The following KANSL1 variants were observed in gnomAD, a reference collection of about 807,000 sequenced individuals.
The protein encoded by KANSL1 is MLL1/MLL complex subunit KANSL1.
Under a neutral mutation model 103.6 loss-of-function variants are expected in KANSL1, and 22 were observed. The observed-to-expected ratio is 0.21, with a 90% CI of 0.15 to 0.30. KANSL1 has a LOEUF of 0.30. Ranked by LOEUF, KANSL1 falls within the 10% of genes least tolerant of loss-of-function variation. KANSL1 has a pLI of 1.00. For missense variants in KANSL1, 1,337 were observed against 1,399.8 expected (o/e 0.96, Z 0.72); for synonymous variants, 600 against 527.6 (o/e 1.14, Z -1.88).
At chr17:46,153,544 G>A (rs991310906) in intron 2 of KANSL1, among the ~76,000 whole-genome samples, 6 of 152,302 alleles carry the variant, frequency 3.9e-5, no homozygotes, top group African/African-American at 1.2e-4. Context: ...AAAATGTTTC[G>A]TGTACATGAC....
chr17:46,059,685 C>T lies in KANSL1; in HGVS notation c.1848+6852G>A, dbSNP rs1019708815. On this transcript the variant is annotated intron_variant, in intron 6 of 14. Coordinates refer to ENST00000432791, the MANE Select transcript of KANSL1 (RefSeq NM_015443.4). Reference sequence around the variant, plus strand: ...AGAGAGAAAAGGAAACTGATCAACACATGTTCTCAGCTGGAACTAAGAGAG... The same window carrying T: ...AGAGAGAAAAGGAAACTGATCAACATATGTTCTCAGCTGGAACTAAGAGAG... 3.5e-5 allele frequency among the ~76,000 whole-genome samples: 5 copies of T among 141,124 alleles called. No homozygotes were observed. In the Admixed American group the frequency reaches 3.5e-4, roughly 10 times the overall value. 92.6% of individuals were successfully genotyped at this position (141,124 alleles called of 152,430 possible). A position where few individuals can be genotyped will look rare whatever the true frequency, so the allele number is the denominator to read the frequency against.
At chr17:46,056,648 T>C (rs918490769) in intron 6 of KANSL1, among the ~76,000 whole-genome samples, 1 of 152,228 alleles carries the variant, frequency 6.6e-6, no homozygotes, top group Non-Finnish European at 1.5e-5. Context: ...ATTTCAAAAT[T>C]CTAGCTTCTT....
At chr17:46,176,585 G>A (rs2532258) in intron 1 of KANSL1, among the ~76,000 whole-genome samples, 18,082 of 149,520 alleles carry the variant, frequency 0.12, 24 homozygotes, top group Middle Eastern at 0.19. Flanking sequence ...CAGCTACCTG[G>A]GAGGCTGAGA....
At chr17:46,055,342 G>A (rs533933562) in intron 6 of KANSL1, among the ~76,000 whole-genome samples, 49 of 151,858 alleles carry the variant, frequency 3.2e-4, no homozygotes, top group African/African-American at 1.1e-3. Flanking sequence ...GCGGGCGCCT[G>A]TAATCCCAGC....
intron 2 of KANSL1, among the ~76,000 whole-genome samples, chr17:46,119,607 C>G (rs1259027462): frequency 1.3e-5 from 2 of 152,062 alleles, no homozygotes; most frequent in Admixed American, 6.6e-5. Context: ...ACACCCGGCC[C>G]AGAGTCCTGA....
chr17:46,126,463 T>C (rs1302621514), intron 2 of KANSL1, among the ~76,000 whole-genome samples: 1 of 151,656 alleles, frequency 6.6e-6, no homozygotes, highest in Non-Finnish European at 1.5e-5. Context: ...AAAGTCTCCA[T>C]CTTTCCACTA....
intron 4 of KANSL1, among the ~76,000 whole-genome samples, chr17:46,076,904 T>G (rs1167655734): frequency 2.0e-5 from 3 of 152,192 alleles, no homozygotes; most frequent in Non-Finnish European, 4.4e-5. Flanking sequence ...AGACCTTGGC[T>G]AAATCTCTAA....
At chr17:46,035,297 T>C (rs1010537993) in intron 10 of KANSL1, 2 of 152,266 alleles carry the variant, frequency 1.3e-5, no homozygotes, top group African/African-American at 4.8e-5. Context: ...GTGTGGTCAG[T>C]CCACAGGGAA....
intron 2 of KANSL1, among the ~76,000 whole-genome samples, chr17:46,101,754 C>CAAAAAAAAAAAAAAA (rs372439614): frequency 3.2e-5 from 3 of 93,654 alleles, no homozygotes; most frequent in African/African-American, 4.8e-5. Context: ...ACTCTGTCTA[C>CAAAAAAAAAAAAAAA]AAAAAAAAAA....
intron 6 of KANSL1, among the ~76,000 whole-genome samples, chr17:46,060,724 T>C (rs558929107): frequency 9.2e-5 from 14 of 152,196 alleles, no homozygotes; most frequent in Non-Finnish European, 1.6e-4. Context: ...TGGATTTAAA[T>C]AGGTGGAATC....
intron 3 of KANSL1, among the ~76,000 whole-genome samples, chr17:46,083,681 C>T (rs982718462): frequency 1.3e-5 from 2 of 152,164 alleles, no homozygotes; most frequent in East Asian, 3.9e-4. Flanking sequence ...ATGACAGGTG[C>T]CTACCACCAT....
chr17:46,043,593 T>C (rs1032288711), intron 7 of KANSL1: 2 of 152,194 alleles, frequency 1.3e-5, no homozygotes, highest in African/African-American at 4.8e-5. Context: ...TCCCAAACAA[T>C]ACATTAAATA....
intron 2 of KANSL1, among the ~76,000 whole-genome samples, chr17:46,105,947 A>ACACCCC (rs1396276906): frequency 1.9e-4 from 11 of 57,854 alleles, no homozygotes; most frequent in East Asian, 8.3e-4. Flanking sequence ...ACACACACAC[A>ACACCCC]CCCCCCCAGA....
intron 7 of KANSL1, 111 bp from the exon 8 acceptor site, chr17:46,039,995 G>A (rs2077265190): frequency 1.1e-6 from 1 of 891,672 alleles, no homozygotes; most frequent in Non-Finnish European, 1.8e-6. Flanking sequence ...CACTTGGCAG[G>A]GCAAGTGCTG....
At chr17:46,196,382 T>C (rs1355947962), upstream of KANSL1, 3 of 456,360 alleles carry the variant, frequency 6.6e-6, no homozygotes, top group South Asian at 1.5e-5. Flanking sequence ...GGCCATGAGA[T>C]GTGAGTAGAA....
intron 2 of KANSL1, among the ~76,000 whole-genome samples, chr17:46,098,981 C>G (rs1234159538): frequency 6.6e-6 from 1 of 152,176 alleles, no homozygotes; most frequent in Admixed American, 6.6e-5. Context: ...GAGCAGAGCA[C>G]CACTAAACAG....
intron 1 of KANSL1, chr17:46,222,227 T>C (rs1325529454): frequency 6.7e-6 from 1 of 148,904 alleles, no homozygotes; most frequent in Non-Finnish European, 1.5e-5. Context: ...GAGGTTACTG[T>C]ATTACAACCC....
At chr17:46,122,917 T>C (rs1361750704) in intron 2 of KANSL1, among the ~76,000 whole-genome samples, 1 of 152,128 alleles carries the variant, frequency 6.6e-6, no homozygotes. Context: ...CCTCTCCTCT[T>C]GTTTCCCTAT....
chr17:46,049,337 C>A (rs1487177717), intron 7 of KANSL1: 1 of 149,416 alleles, frequency 6.7e-6, no homozygotes, highest in Non-Finnish European at 1.5e-5. Context: ...CCTCTGGCCT[C>A]CAGGTTCAAG....
Sources: allele counts gnomAD v4.1 joint callset (sites outside exome capture counted in the v4.1 genomes callset), GRCh38; gene constraint gnomAD v4.1.1; transcripts MANE v1.5; gene names NCBI Gene and HGNC (gene_info 2026-07-23, HGNC 2026-07-21).